Variants in TEX11 observed in about 807,000 individuals in gnomAD.
TEX11 encodes the protein testis-expressed protein 11.
In TEX11, 7 loss-of-function variants were observed where a neutral mutation model predicts 84.4. The observed-to-expected ratio is 0.08, with a 90% confidence interval of 0.05 to 0.16. TEX11 has a LOEUF of 0.16. TEX11 is among the 10% of genes least tolerant of loss of function. TEX11 has a pLI of 1.00. For synonymous variants in TEX11, 264 were observed against 222.8 expected (o/e 1.18, Z -1.64); for missense variants, 551 against 660.5 (o/e 0.83, Z 1.82).
chrX:70,560,526 T>G (rs983302241), intron 25 of TEX11, among the ~76,000 whole-genome samples: 2 of 111,545 alleles, frequency 1.8e-5, no homozygotes, highest in Non-Finnish European at 1.9e-5. Context: ...TTATATATTC[T>G]GGAAGTTGTC....
chrX:70,763,638 G>A (rs1456179296), intron 9 of TEX11, among the ~76,000 whole-genome samples: 3 of 110,450 alleles, frequency 2.7e-5, no homozygotes, highest in African/African-American at 9.9e-5. Context: ...GTGGTGGGTG[G>A]CAGAAATATC....
chrX:70,723,996 C>T (rs745813075), intron 12 of TEX11: 188 of 617,191 alleles, frequency 3.0e-4, no homozygotes, highest in Non-Finnish European at 3.5e-4. Context: ...ATTGCAACTT[C>T]GGGAGTATCT....
rs924030743 is a variant in TEX11, at chrX:70,818,238, G to T, written c.607-11448C>A. ...GATCACTTGAGCCCAGGAGGTCCAG[G>T]CTGCAGTGAGCCGCTTTTGCACCAC... On this transcript the variant is annotated intron_variant, in intron 8 of 29. Coordinates refer to ENST00000374333, the MANE Select transcript of TEX11 (RefSeq NM_031276.3). Among the ~76,000 whole-genome samples the T allele has an allele frequency of 2.7e-5, 3 of 110,277 alleles. No homozygotes were observed. The Admixed American group carries it at 2.9e-4, about 11-fold the overall frequency.
intron 7 of TEX11, among the ~76,000 whole-genome samples, chrX:70,840,907 A>G (rs756211750): frequency 9.0e-6 from 1 of 111,297 alleles, no homozygotes; most frequent in East Asian, 2.8e-4. Flanking sequence ...TGGTAAAGGG[A>G]TCAATTCAAC....
chrX:70,807,658 A>C (rs1023004001), intron 8 of TEX11, among the ~76,000 whole-genome samples: 7 of 111,812 alleles, frequency 6.3e-5, no homozygotes, highest in African/African-American at 2.3e-4. Context: ...TCCTCAACTA[A>C]GAATCCAAGA....
intron 11 of TEX11, among the ~76,000 whole-genome samples, chrX:70,725,913 T>TTC (rs1194444144): frequency 8.9e-6 from 1 of 111,981 alleles, no homozygotes; most frequent in Non-Finnish European, 1.9e-5. Flanking sequence ...AACAGAACTT[T>TTC]TCTCTCTACA....
At chrX:70,702,307 C>T (rs1369131374) in intron 13 of TEX11, among the ~76,000 whole-genome samples, 1 of 111,970 alleles carries the variant, frequency 8.9e-6, no homozygotes, top group Non-Finnish European at 1.9e-5. Flanking sequence ...AACATCAAGA[C>T]AAGACCCTTC....
the TEX11 span, among the ~76,000 whole-genome samples, chrX:70,518,804 C>T: frequency 1.8e-5 from 2 of 111,741 alleles, no homozygotes; most frequent in African/African-American, 3.3e-5. Context: ...CTGGGTGCTC[C>T]TGTATTGGGT....
chrX:70,748,232 A>C (rs2090782552), intron 9 of TEX11, among the ~76,000 whole-genome samples: 1 of 111,627 alleles, frequency 9.0e-6, no homozygotes, highest in South Asian at 3.7e-4. Context: ...ACATCCAAGA[A>C]GCTCAATGAA....
intron 24 of TEX11, among the ~76,000 whole-genome samples, chrX:70,599,605 G>A (rs1361226753): frequency 9.2e-6 from 1 of 108,256 alleles, no homozygotes; most frequent in Admixed American, 9.8e-5. Flanking sequence ...GTGCCATGCT[G>A]GTGCGCTGCA....
At chrX:70,806,259 A>G (rs1216676686) in intron 9 of TEX11, among the ~76,000 whole-genome samples, 1 of 111,638 alleles carries the variant, frequency 9.0e-6, no homozygotes, top group Non-Finnish European at 1.9e-5. Context: ...GTTTGAGAAC[A>G]GCCTGGGCAA....
chrX:70,678,957 C>T (rs755882930), intron 14 of TEX11, 68 bp from the exon 15 acceptor site: 2 of 803,214 alleles, frequency 2.5e-6, no homozygotes, highest in Admixed American at 3.7e-5. Context: ...TCTCCCTCTC[C>T]CTCTCCCTCT....
chrX:70,579,530 A>AAAC (rs1555988470), intron 25 of TEX11, among the ~76,000 whole-genome samples: 348 of 103,051 alleles, frequency 3.4e-3, no homozygotes, highest in South Asian at 0.022. Context: ...AAAAAAAAAA[A>AAAC]AAAACAAAAA....
chrX:70,837,071 CTAGAAAACAGT>C (rs1480955219), intron 7 of TEX11, among the ~76,000 whole-genome samples: 1 of 110,361 alleles, frequency 9.1e-6, no homozygotes, highest in Non-Finnish European at 1.9e-5. Flanking sequence ...CATGGCCACT[CTAGAAAACAGT>C]TGGCAGTTTC....
intron 9 of TEX11, among the ~76,000 whole-genome samples, chrX:70,794,642 G>A (rs1226555381): frequency 1.8e-5 from 2 of 109,154 alleles, no homozygotes; most frequent in African/African-American, 6.7e-5. Flanking sequence ...TGCTATGGTA[G>A]GATAGGACAC....
intron 15 of TEX11, among the ~76,000 whole-genome samples, chrX:70,675,566 C>CCTCT (rs780619543): frequency 1.9e-5 from 2 of 102,844 alleles, no homozygotes; most frequent in Non-Finnish European, 3.9e-5. Flanking sequence ...CTTTTCTTTT[C>CCTCT]CTCTCTCTCT....
In TEX11 at chrX:70,687,944, G is replaced by C. The variant is rs148047609; in HGVS notation, c.1005-5119C>G. The stretch of plus-strand genomic sequence containing the variant: ...TAAAAAAGTAGAAATTACCTCATCT[G>C]AACAACAGAGAGAAAACAGACTGAA... On this transcript the variant is annotated intron_variant, in intron 13 of 29. Coordinates refer to ENST00000374333, the MANE Select transcript of TEX11 (RefSeq NM_031276.3). Among the ~76,000 whole-genome samples, 48 of 110,441 alleles carry C rather than the reference G, an allele frequency of 4.3e-4. No individual in the cohort carries two copies. The East Asian group carries it at 0.013, about 31-fold the overall frequency.
At chrX:70,591,925 AAATT>A (rs755212522) in intron 24 of TEX11, 102 bp from the exon 25 acceptor site, 7 of 522,844 alleles carry the variant, frequency 1.3e-5, no homozygotes, top group Non-Finnish European at 2.1e-5. Context: ...AGGTAAAAAT[AAATT>A]AATAGAAAAA....
chrX:70,836,505 A>G (rs771521047), intron 7 of TEX11, among the ~76,000 whole-genome samples: 12 of 112,414 alleles, frequency 1.1e-4, no homozygotes, highest in Admixed American at 1.9e-4. Context: ...AAAATAGACA[A>G]GAAAAATGAC....
Sources: gnomAD v4.1 joint callset for allele counts (sites outside exome capture counted in the v4.1 genomes callset) on GRCh38, gnomAD v4.1.1 for gene constraint, MANE v1.5 for transcripts, NCBI Gene and HGNC (gene_info 2026-07-23, HGNC 2026-07-21) for gene names.